The following RPS6KC1 variants were observed in gnomAD, a reference collection of about 807,000 sequenced individuals.
RPS6KC1 encodes ribosomal protein S6 kinase C1.
In RPS6KC1, 54 loss-of-function variants were observed where a neutral mutation model predicts 103.8. That is an observed-to-expected ratio of 0.52 (90% CI 0.42 to 0.65). The LOEUF (loss-of-function observed/expected upper bound fraction) is 0.65, where lower values mean the gene tolerates loss of function less well. Among genes scored for constraint, RPS6KC1 ranks in the 30% least tolerant of loss-of-function variants. The pLI, the probability that RPS6KC1 is intolerant of heterozygous loss-of-function variation, is 0.00. For missense variants in RPS6KC1, 1,151 were observed against 1,253.8 expected (o/e 0.92, Z 1.24); for synonymous variants, 439 against 438.7 (o/e 1.00, Z -0.01).
the RPS6KC1 span, among the ~76,000 whole-genome samples, chr1:213,490,817 G>T: frequency 6.6e-6 from 1 of 152,198 alleles, no homozygotes; most frequent in African/African-American, 2.4e-5. Flanking sequence ...TGGGATTGAG[G>T]AGGGGAGTGT....
chr1:213,380,846 C>T, the RPS6KC1 span, among the ~76,000 whole-genome samples: 3 of 152,170 alleles, frequency 2.0e-5, no homozygotes, highest in Non-Finnish European at 4.4e-5. Context: ...CCACCTCTCT[C>T]CCTCTCATGT....
chr1:213,506,469 A>C, the RPS6KC1 span, among the ~76,000 whole-genome samples: 1 of 152,224 alleles, frequency 6.6e-6, no homozygotes, highest in Non-Finnish European at 1.5e-5. Flanking sequence ...GTTTGACATT[A>C]AATAACAATC....
chr1:213,714,861 C>G, the RPS6KC1 span, among the ~76,000 whole-genome samples: 1 of 152,206 alleles, frequency 6.6e-6, no homozygotes, highest in African/African-American at 2.4e-5. Flanking sequence ...AGGCTGTTTG[C>G]CAATCAACCC....
chr1:213,695,536 C>T, the RPS6KC1 span, among the ~76,000 whole-genome samples: 3 of 152,176 alleles, frequency 2.0e-5, no homozygotes, highest in Non-Finnish European at 2.9e-5. Flanking sequence ...AAAGTGGCCC[C>T]TCTGCTGGGA....
the RPS6KC1 span, among the ~76,000 whole-genome samples, chr1:213,854,901 T>C: frequency 5.3e-5 from 8 of 152,236 alleles, no homozygotes. Flanking sequence ...CCATAATCTG[T>C]GTGGCTTAGC....
At chr1:213,761,505 A>G in the RPS6KC1 span, among the ~76,000 whole-genome samples, 2 of 152,242 alleles carry the variant, frequency 1.3e-5, no homozygotes, top group Admixed American at 6.5e-5. Context: ...ACTTTGTTCT[A>G]TAAGACTTCC....
the RPS6KC1 span, among the ~76,000 whole-genome samples, chr1:213,547,527 A>T: frequency 6.6e-6 from 1 of 152,210 alleles, no homozygotes; most frequent in Admixed American, 6.5e-5. Flanking sequence ...TATGCACCTG[A>T]TGTAGTTTGG....
At chr1:213,849,420 C>G in the RPS6KC1 span, among the ~76,000 whole-genome samples, 1 of 152,144 alleles carries the variant, frequency 6.6e-6, no homozygotes, top group Non-Finnish European at 1.5e-5. Context: ...ATAATCAACC[C>G]TTTCTTTACC....
At chr1:213,165,131 G>A (rs1428373353) in intron 6 of RPS6KC1, among the ~76,000 whole-genome samples, 1 of 151,964 alleles carries the variant, frequency 6.6e-6, no homozygotes, top group East Asian at 1.9e-4. Flanking sequence ...GCATTCAGGA[G>A]CAGAAATCTT....
intron 8 of RPS6KC1, among the ~76,000 whole-genome samples, chr1:213,219,768 A>C (rs936725123): frequency 6.6e-6 from 1 of 151,478 alleles, no homozygotes; most frequent in Non-Finnish European, 1.5e-5. Context: ...GACAAAAACC[A>C]AACACTACAT....
chr1:213,332,096 A>G, the RPS6KC1 span, among the ~76,000 whole-genome samples: 1 of 152,130 alleles, frequency 6.6e-6, no homozygotes, highest in Non-Finnish European at 1.5e-5. Context: ...CATGTGTCCC[A>G]GGTTGGATAA....
At chr1:213,640,543 T>G in the RPS6KC1 span, among the ~76,000 whole-genome samples, 20 of 151,916 alleles carry the variant, frequency 1.3e-4, no homozygotes, top group South Asian at 2.9e-3. Flanking sequence ...GGCATTGTAG[T>G]GCTATACATT....
At chr1:213,052,100 A>G (rs561505591) in intron 1 of RPS6KC1, among the ~76,000 whole-genome samples, 21 of 152,306 alleles carry the variant, frequency 1.4e-4, no homozygotes, top group African/African-American at 4.6e-4. Context: ...ATGAGGGCAC[A>G]TTTTAAAGTT....
chr1:213,192,785 GT>G (rs1180881132), intron 8 of RPS6KC1, among the ~76,000 whole-genome samples: 7 of 152,004 alleles, frequency 4.6e-5, no homozygotes, highest in African/African-American at 1.7e-4. Flanking sequence ...GCATCATTAG[GT>G]GGTTTATTTT....
chr1:213,642,648 A>T, the RPS6KC1 span, among the ~76,000 whole-genome samples: 1 of 151,808 alleles, frequency 6.6e-6, no homozygotes, highest in Non-Finnish European at 1.5e-5. Context: ...TTTGTTTTGG[A>T]CTTAAATTAT....
At chr1:213,721,386 T>G in the RPS6KC1 span, among the ~76,000 whole-genome samples, 1 of 152,190 alleles carries the variant, frequency 6.6e-6, no homozygotes, top group African/African-American at 2.4e-5. Context: ...CATACCGTTC[T>G]CGTGGTAGTG....
At chr1:213,205,536 T>TTTTATATATATATATATATATATA (rs1553378412) in intron 8 of RPS6KC1, 5 of 82,292 alleles carry the variant, frequency 6.1e-5, no homozygotes, top group East Asian at 3.4e-4. Context: ...ACAAACTCAT[T>TTTTATATATATATATATATATATA]TATATATATA....
chr1:213,212,886 G>C (rs2093552901), intron 8 of RPS6KC1, among the ~76,000 whole-genome samples: 1 of 152,058 alleles, frequency 6.6e-6, no homozygotes. Flanking sequence ...TGTTTGGTGA[G>C]GTGTCTGTTA....
chr1:213,544,582 C>G, the RPS6KC1 span, among the ~76,000 whole-genome samples: 1 of 152,130 alleles, frequency 6.6e-6, no homozygotes, highest in South Asian at 2.1e-4. Context: ...TATCTCCCTG[C>G]CATGGAGCTA....
Sources: gnomAD v4.1 joint callset for allele counts (sites outside exome capture counted in the v4.1 genomes callset) on GRCh38, gnomAD v4.1.1 for gene constraint, MANE v1.5 for transcripts, NCBI Gene and HGNC (gene_info 2026-07-23, HGNC 2026-07-21) for gene names.